RPN2: variants seen among roughly 807,000 people sequenced by gnomAD.
RPN2 encodes ribophorin II.
RPN2 carries 29 observed loss-of-function variants against 71.4 expected under a neutral mutation model. The observed-to-expected ratio is 0.41, with a 90% CI of 0.30 to 0.55. RPN2 has a LOEUF of 0.55. Among genes scored for constraint, RPN2 ranks in the 20% least tolerant of loss-of-function variants. The pLI is 0.35. For synonymous variants in RPN2, 308 were observed against 305.0 expected (o/e 1.01, Z -0.10); for missense variants, 726 against 774.1 (o/e 0.94, Z 0.74).
chr20:37,207,692 C>CT, intron 7 of RPN2, among the ~76,000 whole-genome samples: 1 of 152,034 alleles, frequency 6.6e-6, no homozygotes, highest in Middle Eastern at 3.4e-3. Context: ...ATTTTTGTTT[C>CT]TTTTTTTGAG....
chr20:37,194,810 C>T (rs2067220776), intron 2 of RPN2, among the ~76,000 whole-genome samples: 1 of 152,112 alleles, frequency 6.6e-6, no homozygotes, highest in Admixed American at 6.5e-5. Context: ...GGGCCCCAGC[C>T]AGTGTGTGCC....
chr20:37,209,980 C>A (rs2067618039), intron 7 of RPN2, 67 bp from the exon 8 acceptor site: 1 of 1,599,720 alleles, frequency 6.3e-7, no homozygotes, highest in African/African-American at 1.3e-5. Flanking sequence ...AGATAAAGCA[C>A]CCCAGAAACA....
At chr20:37,201,618 A>G (rs777540289) in intron 4 of RPN2, among the ~76,000 whole-genome samples, 1 of 152,164 alleles carries the variant, frequency 6.6e-6, no homozygotes, top group Non-Finnish European at 1.5e-5. Flanking sequence ...CCATTCTTCT[A>G]CTCAACCTCT....
chr20:37,203,153 A>C (rs1428349063), intron 4 of RPN2, among the ~76,000 whole-genome samples: 2 of 152,026 alleles, frequency 1.3e-5, no homozygotes, highest in Non-Finnish European at 2.9e-5. Flanking sequence ...TCGAACCCCC[A>C]GGCTTAAGTG....
At chr20:37,205,056 A>ATT (rs1309880690) in intron 6 of RPN2, among the ~76,000 whole-genome samples, 155 bp downstream of exon 6, 2 of 152,142 alleles carry the variant, frequency 1.3e-5, no homozygotes, top group Non-Finnish European at 2.9e-5. Flanking sequence ...AAATAGAAAG[A>ATT]TGTAATGCCT....
chr20:37,212,636 C>T (rs1381467287), intron 8 of RPN2, among the ~76,000 whole-genome samples: 1 of 151,966 alleles, frequency 6.6e-6, no homozygotes, highest in East Asian at 1.9e-4. Flanking sequence ...CGCCACCATG[C>T]CCAGCTAATT....
chr20:37,209,171 GT>G (rs2067593477), intron 7 of RPN2, among the ~76,000 whole-genome samples: 1 of 152,198 alleles, frequency 6.6e-6, no homozygotes, highest in African/African-American at 2.4e-5. Flanking sequence ...TATTCTATCT[GT>G]GTCGTACAAT....
intron 9 of RPN2, among the ~76,000 whole-genome samples, chr20:37,218,033 C>T (rs13037699): frequency 0.73 from 110,636 of 152,078 alleles, 40,719 homozygotes; most frequent in Middle Eastern, 0.85. Flanking sequence ...CCACTAGGCC[C>T]GGCCAAGAGT....
intron 4 of RPN2, chr20:37,200,437 A>G (rs749514079): frequency 3.8e-6 from 2 of 530,316 alleles, no homozygotes; most frequent in Non-Finnish European, 7.7e-6. Flanking sequence ...TTTCACTGCA[A>G]ACCCTGAAGG....
rs1600729415 is a variant in RPN2, at chr20:37,184,019, G to C, written c.14-161G>C. 5 of 777,604 alleles carry C rather than the reference G, an allele frequency of 6.4e-6. No individual in the cohort carries two copies. The East Asian group carries it at 1.3e-4, about 21-fold the overall frequency. The allele number at this position is 777,604 out of a possible 1,614,324, so 48.2% of individuals were successfully genotyped here. ...TGTCCTTCCACCAGTTGAAGAGCAG[G>C]CTCCCTGCCTTCCCAAGGCTTCTCC... On this transcript the variant is annotated intron_variant, in intron 1 of 16. Transcript: ENST00000237530.
chr20:37,204,672 G>C, intron 5 of RPN2, 95 bp from the exon 6 acceptor site: 1 of 1,333,902 alleles, frequency 7.5e-7, no homozygotes, highest in Non-Finnish European at 1.1e-6. Flanking sequence ...AGTGAGAGAT[G>C]TCACGAAGCT....
chr20:37,209,211 G>A (rs752267546), intron 7 of RPN2, among the ~76,000 whole-genome samples: 4 of 152,194 alleles, frequency 2.6e-5, no homozygotes, highest in Non-Finnish European at 4.4e-5. Context: ...AAAGGGCCTA[G>A]CCTGGTATAT....
chr20:37,214,777 C>G (rs983797559), intron 9 of RPN2, among the ~76,000 whole-genome samples: 1 of 152,096 alleles, frequency 6.6e-6, no homozygotes, highest in African/African-American at 2.4e-5. Flanking sequence ...TCATGTTAAC[C>G]TTGATCACTT....
At position 37,199,106 on chromosome 20, in the gene RPN2, A is replaced by C; in HGVS notation, c.360A>C (p.Ser120=). The C allele has an allele frequency of 6.2e-7, 1 of 1,614,022 alleles. No individual in the cohort carries two copies. The highest frequency in any genetic ancestry group is 8.5e-7 in the Non-Finnish European group (1 of 1,179,858). Residue 120 remains serine, a synonymous_variant, in exon 4 of 17, where the codon TCA becomes TCC. Transcript: ENST00000237530. ...DLLLAAVSED[S]SVTQIYHAVA... is the part of the protein sequence containing the mutation. ...TTCTGGCAGCTGTCAGTGAGGACTC[A>C]TCTGTTACCCAGATCTACCATGCAG...
At chr20:37,213,168 CAT>C (rs1252821538) in intron 8 of RPN2, among the ~76,000 whole-genome samples, 32 of 152,268 alleles carry the variant, frequency 2.1e-4, no homozygotes, top group East Asian at 5.8e-4. Context: ...CATTGTGAAA[CAT>C]ATGTGGGATC....
chr20:37,224,917 T>A (rs921730232), intron 10 of RPN2, among the ~76,000 whole-genome samples: 1 of 152,230 alleles, frequency 6.6e-6, no homozygotes, highest in Non-Finnish European at 1.5e-5. Flanking sequence ...GAGCACTGTT[T>A]AAGAATCCAC....
In RPN2 at chr20:37,198,394, T is replaced by A; in HGVS notation, c.208-3T>A. On this transcript the variant is annotated splice_polypyrimidine_tract_variant and splice_region_variant and intron_variant, in intron 2 of 16. Transcript: ENST00000237530. ...TTAACATTGACTTTTCCCCACTGTG[T>A]AGAAAGCATGTACCTACATCAGATC... 6.2e-7 allele frequency: 1 copy of A among 1,614,246 alleles called. No individual in the cohort carries two copies. The highest frequency in any genetic ancestry group is 8.5e-7 in the Non-Finnish European group (1 of 1,180,044).
chr20:37,210,265 TTGATCTAC>T, intron 8 of RPN2, 100 bp downstream of exon 8: 1 of 1,591,794 alleles, frequency 6.3e-7, no homozygotes, highest in South Asian at 1.1e-5. Context: ...TTAGGTAAAT[TTGATCTAC>T]TGGTATCGAA....
chr20:37,204,671 T>A, intron 5 of RPN2, 96 bp from the exon 6 acceptor site: 1 of 1,303,450 alleles, frequency 7.7e-7, no homozygotes, highest in African/African-American at 1.4e-5. Context: ...GAGTGAGAGA[T>A]GTCACGAAGC....
Sources: gnomAD v4.1 joint callset for allele counts (sites outside exome capture counted in the v4.1 genomes callset) on GRCh38, gnomAD v4.1.1 for gene constraint, MANE v1.5 for transcripts, NCBI Gene and HGNC (gene_info 2026-07-23, HGNC 2026-07-21) for gene names.